ZNF578: variants seen among roughly 807,000 people sequenced by gnomAD.
ZNF578 encodes Putative chemokine-related protein B42.
A neutral mutation model predicts 8.3 loss-of-function variants in ZNF578; 8 were observed. That is an observed-to-expected ratio of 0.96 (90% confidence interval 0.56 to 1.74). ZNF578 has a LOEUF of 1.74. ZNF578 is among the 40% of genes most tolerant of loss of function. ZNF578 has a pLI of 0.00. For missense variants in ZNF578, 726 were observed against 707.5 expected (o/e 1.03, Z -0.30); for synonymous variants, 206 against 232.2 (o/e 0.89, Z 1.03).
Position 52,512,262 on chromosome 19 carries a change from A to C in ZNF578, c.*108A>C. 6.3e-7 allele frequency: 1 copy of C among 1,598,364 alleles called. No individual in the cohort carries two copies. The highest frequency in any genetic ancestry group is 8.6e-7 in the Non-Finnish European group (1 of 1,165,942). ...AGAATTCATACTGGAGAGAAACCTT[A>C]CAAGTGTAATGAGTGTGGCAAAGCC... On this transcript the variant is annotated 3_prime_UTR_variant, in exon 6 of 6. Coordinates refer to ENST00000421239, the MANE Select transcript of ZNF578 (RefSeq NM_001099694.2).
intron 2 of ZNF578, among the ~76,000 whole-genome samples, chr19:52,463,762 G>GTTTT (rs2059265841): frequency 6.6e-6 from 1 of 152,142 alleles, no homozygotes; most frequent in Non-Finnish European, 1.5e-5. Context: ...TAATTTAGCT[G>GTTTT]TTTGGGCTGA....
At chr19:52,472,601 T>G (rs879520349) in intron 2 of ZNF578, among the ~76,000 whole-genome samples, 1 of 152,212 alleles carries the variant, frequency 6.6e-6, no homozygotes, top group African/African-American at 2.4e-5. Context: ...AACCCATTAC[T>G]CTTTTCCATA....
rs1163456479 is a variant in ZNF578, at chr19:52,511,630, C to A, written c.1249C>A (p.His417Asn). The change falls in exon 6 of 6, where the codon CAT (histidine) becomes AAT (asparagine). Residue 417 changes from histidine to asparagine, a missense_variant. By Grantham distance (68) the His-to-Asn change is moderately conservative. Transcript: ENST00000421239. ...TAATCAACAATCACACCTTTCACGT[C>A]ATCATAGACTTCATACTGGAGAGAA... ...AFNQQSHLSR[H>N]HRLHTGEKPY... 6.2e-7 allele frequency: 1 copy of A among 1,613,078 alleles called. No homozygotes were observed. Among genetic ancestry groups the A allele is most frequent in the African/African-American group, 1.3e-5 (1 of 74,904 alleles).
At chr19:52,485,027 C>G (rs567374890) in intron 2 of ZNF578, among the ~76,000 whole-genome samples, 1 of 150,538 alleles carries the variant, frequency 6.6e-6, no homozygotes, top group East Asian at 2.0e-4. Flanking sequence ...TGGGTGCAGG[C>G]GGGCTGAGTC....
chr19:52,470,494 C>A (rs1226156636), intron 2 of ZNF578, among the ~76,000 whole-genome samples: 1 of 152,028 alleles, frequency 6.6e-6, no homozygotes, highest in Non-Finnish European at 1.5e-5. Context: ...TTGAGGGATG[C>A]CTAGATGGTT....
intron 3 of ZNF578, among the ~76,000 whole-genome samples, chr19:52,497,262 C>G (rs2059390374): frequency 1.3e-5 from 2 of 152,228 alleles, no homozygotes; most frequent in South Asian, 4.1e-4. Context: ...ACCCTCCCAG[C>G]TAATGTTTGT....
rs899199368 is a variant in ZNF578 at position 52,512,303 on chromosome 19, A to G, written c.*149A>G. 41 of 1,553,758 alleles carry G rather than the reference A, an allele frequency of 2.6e-5. No homozygotes were observed. The highest frequency in any genetic ancestry group is 8.9e-5 in the South Asian group (8 of 89,652). ...TGGCAAAGCCTTTAGTGACCAGTCA[A>G]CACTTACCATCAGGCCATTCATGGT... On this transcript the variant is annotated 3_prime_UTR_variant, in exon 6 of 6. Coordinates refer to ENST00000421239, the MANE Select transcript of ZNF578 (RefSeq NM_001099694.2).
At chr19:52,470,653 A>C (rs895045559) in intron 2 of ZNF578, among the ~76,000 whole-genome samples, 12 of 152,124 alleles carry the variant, frequency 7.9e-5, no homozygotes, top group African/African-American at 2.9e-4. Flanking sequence ...AACAGGCAAA[A>C]GGTAGAATAA....
chr19:52,510,194 T>C (rs1426839467), intron 5 of ZNF578, among the ~76,000 whole-genome samples: 9 of 152,192 alleles, frequency 5.9e-5, no homozygotes, highest in Non-Finnish European at 2.9e-5. Flanking sequence ...TGCATTTATT[T>C]GTACACAGTA....
chr19:52,513,337 C>CTTTTTTTTT lies in ZNF578; in HGVS notation c.*1199_*1207dup, dbSNP rs11318311. Among the ~76,000 whole-genome samples, 2 of 101,338 alleles carry CTTTTTTTTT rather than the reference C, an allele frequency of 2.0e-5. No individual in the cohort carries two copies. Among genetic ancestry groups the CTTTTTTTTT allele is most frequent in the Non-Finnish European group, 3.9e-5 (2 of 51,046 alleles). The allele number at this position is 101,338 out of a possible 152,430, so 66.5% of individuals were successfully genotyped here. ...GCGCCTGGCATTGTTTCTTCTTTTC[C>CTTTTTTTTT]TTTTTTTTTTTTTTTTTTTTTTTTG... On this transcript the variant is annotated 3_prime_UTR_variant, in exon 6 of 6. Coordinates refer to ENST00000421239, the MANE Select transcript of ZNF578 (RefSeq NM_001099694.2).
chr19:52,461,785 A>G (rs999062311), intron 2 of ZNF578, among the ~76,000 whole-genome samples: 1 of 152,192 alleles, frequency 6.6e-6, no homozygotes. Context: ...CTCCATCAAG[A>G]TAGTATTTTC....
chr19:52,509,641 C>T (rs2059437442), intron 5 of ZNF578, among the ~76,000 whole-genome samples: 1 of 152,114 alleles, frequency 6.6e-6, no homozygotes, highest in South Asian at 2.1e-4. Flanking sequence ...GTGGTGTGTG[C>T]CTGTAATCCC....
At chr19:52,503,351 C>G (rs2059414100) in intron 4 of ZNF578, among the ~76,000 whole-genome samples, 1 of 151,936 alleles carries the variant, frequency 6.6e-6, no homozygotes, top group Non-Finnish European at 1.5e-5. Flanking sequence ...CGGCTGGACT[C>G]TGCACTTTTT....
chr19:52,499,522 C>G (rs2059398909), intron 3 of ZNF578, among the ~76,000 whole-genome samples: 1 of 152,178 alleles, frequency 6.6e-6, no homozygotes, highest in African/African-American at 2.4e-5. Context: ...GTCTGCACAT[C>G]TCAGATGAGA....
chr19:52,508,434 AC>A (rs2059432777), intron 5 of ZNF578, among the ~76,000 whole-genome samples: 1 of 152,068 alleles, frequency 6.6e-6, no homozygotes, highest in Non-Finnish European at 1.5e-5. Flanking sequence ...CAATTAGTCA[AC>A]ACCCATGACC....
At position 52,515,341 on chromosome 19, in the gene ZNF578, A is replaced by G. The variant is rs536293303; in HGVS notation, c.*3187A>G. Among the ~76,000 whole-genome samples the G allele has an allele frequency of 6.4e-4, 97 of 152,330 alleles. No individual in the cohort carries two copies. Among genetic ancestry groups the G allele is most frequent in the African/African-American group, 2.1e-3 (89 of 41,566 alleles). ...ACCCTCTTTCACTGTTTCCAAGGTC[A>G]ATAGCTGTGTGTTCACACTTCTGCA... On this transcript the variant is annotated 3_prime_UTR_variant, in exon 6 of 6. Coordinates refer to ENST00000421239, the MANE Select transcript of ZNF578 (RefSeq NM_001099694.2).
chr19:52,491,934 G>C (rs1457932863), intron 3 of ZNF578, among the ~76,000 whole-genome samples: 3 of 151,840 alleles, frequency 2.0e-5, no homozygotes, highest in Non-Finnish European at 4.4e-5. Context: ...GCTGAGGAGG[G>C]CGGATCACGA....
chr19:52,498,685 T>C (rs1034573711), intron 3 of ZNF578, among the ~76,000 whole-genome samples: 1 of 26,138 alleles, frequency 3.8e-5, no homozygotes, highest in African/African-American at 4.5e-4. Flanking sequence ...GCCTGGCCGC[T>C]TTTTTTTTTT....
chr19:52,506,637 T>A (rs902328947), intron 5 of ZNF578, among the ~76,000 whole-genome samples: 2 of 152,004 alleles, frequency 1.3e-5, no homozygotes, highest in Admixed American at 1.3e-4. Context: ...GGCTAATACT[T>A]GTTTGTATTT....
Sources: gnomAD v4.1 joint callset for allele counts (sites outside exome capture counted in the v4.1 genomes callset) on GRCh38, gnomAD v4.1.1 for gene constraint, MANE v1.5 for transcripts, NCBI Gene and HGNC (gene_info 2026-07-23, HGNC 2026-07-21) for gene names.